TSC22D2: variants seen among roughly 807,000 people sequenced by gnomAD.
TSC22D2 encodes the protein TSC22 domain family protein 2.
TSC22D2 carries 5 observed loss-of-function variants against 50.1 expected under a neutral mutation model. The observed-to-expected ratio is 0.10, with a 90% CI of 0.05 to 0.21. The LOEUF (loss-of-function observed/expected upper bound fraction) is 0.21. Among genes scored for constraint, TSC22D2 ranks in the 10% least tolerant of loss-of-function variants. The pLI, the probability that TSC22D2 is intolerant of heterozygous loss-of-function variation, is 1.00. For synonymous variants in TSC22D2, 501 were observed against 450.1 expected, an observed-to-expected ratio of 1.11 and a Z score of -1.43; for missense variants, 1,003 against 1,015.5, an observed-to-expected ratio of 0.99 and a Z score of 0.17.
At chr3:150,437,080 G>C (rs1463610369) in intron 1 of TSC22D2, among the ~76,000 whole-genome samples, 1 of 152,074 alleles carries the variant, frequency 6.6e-6, no homozygotes, top group Admixed American at 6.6e-5. Context: ...ACAAATCTAT[G>C]GGTTTCCTTT....
At chr3:150,432,810 G>C (rs1264843750) in intron 1 of TSC22D2, among the ~76,000 whole-genome samples, 2 of 152,074 alleles carry the variant, frequency 1.3e-5, no homozygotes, top group East Asian at 3.8e-4. Flanking sequence ...AATATTAATG[G>C]AATTATTTTA....
In TSC22D2 at chr3:150,463,391, C is replaced by G. The variant is rs1721471238; in HGVS notation, c.*4755C>G. 6.6e-6 allele frequency: 1 copy of G among 152,214 alleles called. No homozygotes were observed. The highest frequency in any genetic ancestry group is 1.5e-5 in the Non-Finnish European group (1 of 68,048). The allele number at this position is 152,214 out of a possible 1,614,324, so 9.4% of individuals were successfully genotyped here. On this transcript the variant is annotated 3_prime_UTR_variant, in exon 3 of 3. Transcript: ENST00000688009. Reference sequence around the variant, plus strand: ...CAAAACCAGACCTTTTCTCCCACCTCCTTCTGCTTCAAGCCTCTTAATAAT... The same window carrying G: ...CAAAACCAGACCTTTTCTCCCACCTGCTTCTGCTTCAAGCCTCTTAATAAT...
chr3:150,458,516 A>C lies in TSC22D2; in HGVS notation c.2151A>C (p.Gln717His), dbSNP rs150402478. ...TAAAATCTCTTTCAAGCAATGATCA[A>C]TTATCCCAACTCCCAACCCAACAGG... is the stretch of plus-strand genomic sequence containing the variant. ...ALLKSLSSND[Q>H]LSQLPTQQAN... Residue 717 changes from glutamine (Q) to histidine (H), a missense_variant, in exon 3 of 3, where the codon CAA (glutamine) becomes CAC (histidine). This residue lies in a region of TSC22D2 where 54 missense variants were observed against 51.4 expected (regional missense o/e 1.05). Transcript: ENST00000688009. The C allele has an allele frequency of 1.9e-6, 3 of 1,614,180 alleles. 1 individual carries two copies. Among genetic ancestry groups the C allele is most frequent in the South Asian group, 2.2e-5 (2 of 91,086 alleles).
In TSC22D2 at chr3:150,458,598, A is replaced by G. The variant is rs1389992715; in HGVS notation, c.2233A>G (p.Thr745Ala). The change falls in exon 3 of 3, where the codon ACG (threonine) becomes GCG (alanine). Residue 745 changes from threonine to alanine, a missense_variant. Transcript: ENST00000688009. Reference protein sequence around the residue: ...QAVIAQPPQPTQPPQQPNVSS... With the variant: ...QAVIAQPPQPAQPPQQPNVSS... ...AGTGATAGCACAGCCTCCGCAGCCA[A>G]CGCAACCTCCACAGCAGCCGAATGT... The G allele has an allele frequency of 3.7e-6, 6 of 1,614,018 alleles. No homozygotes were observed. The highest frequency in any genetic ancestry group is 2.2e-5 in the East Asian group (1 of 44,890).
At chr3:150,457,734 C>G (rs979647817) in intron 2 of TSC22D2, among the ~76,000 whole-genome samples, 8 of 152,192 alleles carry the variant, frequency 5.3e-5, no homozygotes, top group Admixed American at 2.6e-4. Flanking sequence ...CTCCCAGGTT[C>G]AAGTGATTCT....
At chr3:150,413,877 A>G (rs1005126563) in intron 1 of TSC22D2, among the ~76,000 whole-genome samples, 1 of 106,912 alleles carries the variant, frequency 9.4e-6, no homozygotes, top group South Asian at 2.8e-4. Context: ...AATAAGATAT[A>G]TGCTTTTTTT....
intron 1 of TSC22D2, 84 bp downstream of exon 1, chr3:150,411,392 C>T: frequency 7.3e-7 from 1 of 1,376,910 alleles, no homozygotes; most frequent in Non-Finnish European, 9.8e-7. Context: ...AGATTGTTGT[C>T]AACGGAGGCC....
At chr3:150,418,390 C>T (rs1289556880) in intron 1 of TSC22D2, among the ~76,000 whole-genome samples, 1 of 151,866 alleles carries the variant, frequency 6.6e-6, no homozygotes, top group African/African-American at 2.4e-5. Flanking sequence ...GGGTAGTAGA[C>T]TGACTTCTAT....
chr3:150,445,075 T>G (rs1004880126), intron 1 of TSC22D2, among the ~76,000 whole-genome samples: 1 of 152,054 alleles, frequency 6.6e-6, no homozygotes, highest in African/African-American at 2.4e-5. Context: ...ATTAGTTATA[T>G]TTCAGTGGGC....
In TSC22D2 at chr3:150,458,404, C is replaced by T; in HGVS notation, c.2039C>T (p.Ala680Val). 6.2e-7 allele frequency: 1 copy of T among 1,613,806 alleles called. No individual in the cohort carries two copies. Among genetic ancestry groups the T allele is most frequent in the South Asian group, 1.1e-5 (1 of 91,056 alleles). The change falls in exon 3 of 3, where the codon GCA becomes GTA. Residue 680 changes from alanine (A) to valine (V), a missense_variant. Physicochemically the swap from Ala to Val is moderately conservative, Grantham distance 64. This residue lies in a region of TSC22D2 where 17 missense variants were observed against 57.7 expected (regional missense o/e 0.29). Coordinates refer to ENST00000688009, the MANE Select transcript of TSC22D2 (RefSeq NM_001303264.2). Reference protein sequence around the residue: ...MDLVKSHLMYAVREEVEVLKE... With the variant: ...MDLVKSHLMYVVREEVEVLKE... ...CTGGTGAAAAGCCATTTGATGTATG[C>T]AGTAAGAGAAGAAGTGGAAGTTTTA... is the stretch of plus-strand genomic sequence containing the variant.
At chr3:150,431,389 A>G (rs1480053283) in intron 1 of TSC22D2, among the ~76,000 whole-genome samples, 3 of 152,108 alleles carry the variant, frequency 2.0e-5, no homozygotes, top group Non-Finnish European at 4.4e-5. Flanking sequence ...AAATATGAAT[A>G]TACAGTGCAT....
intron 1 of TSC22D2, among the ~76,000 whole-genome samples, chr3:150,421,355 C>A (rs534842740): frequency 1.3e-5 from 2 of 151,786 alleles, no homozygotes; most frequent in East Asian, 1.9e-4. Flanking sequence ...AAAAAAAAAA[C>A]CAGATTGAAT....
intron 1 of TSC22D2, among the ~76,000 whole-genome samples, chr3:150,442,259 C>T (rs994509694): frequency 1.6e-4 from 25 of 152,092 alleles, no homozygotes; most frequent in African/African-American, 5.6e-4. Context: ...TGTCTTAGCA[C>T]TTATCACACT....
At chr3:150,425,842 T>C in intron 1 of TSC22D2, among the ~76,000 whole-genome samples, 1 of 152,320 alleles carries the variant, frequency 6.6e-6, no homozygotes, top group African/African-American at 2.4e-5. Context: ...ACCTTTCTCA[T>C]ATTGACTTAA....
chr3:150,427,847 T>G (rs11719977), intron 1 of TSC22D2, among the ~76,000 whole-genome samples: 61,557 of 151,282 alleles, frequency 0.41, 12,564 homozygotes, highest in Middle Eastern at 0.53. Flanking sequence ...TTTTACTTTT[T>G]AATCTGAAAT....
At chr3:150,416,484 A>G (rs188739335) in intron 1 of TSC22D2, among the ~76,000 whole-genome samples, 2 of 152,292 alleles carry the variant, frequency 1.3e-5, no homozygotes, top group Non-Finnish European at 2.9e-5. Context: ...TTTTCTTTAT[A>G]CTAAACCAGT....
intron 1 of TSC22D2, 45 bp from the exon 2 acceptor site, chr3:150,457,031 G>A (rs1559852430): frequency 6.5e-7 from 1 of 1,543,362 alleles, no homozygotes; most frequent in African/African-American, 1.4e-5. Context: ...AGTTGGAAGG[G>A]AGGTTAAATT....
intron 1 of TSC22D2, among the ~76,000 whole-genome samples, chr3:150,412,157 G>C (rs1285751996): frequency 1.3e-5 from 2 of 152,106 alleles, no homozygotes; most frequent in Non-Finnish European, 2.9e-5. Flanking sequence ...CACAACAGCT[G>C]ATGTTTGGTT....
rs960336573 is a variant in TSC22D2 at position 150,409,659 on chromosome 3, C to T, written c.309C>T (p.Asn103=). 3 of 1,603,058 alleles carry T rather than the reference C, an allele frequency of 1.9e-6. No individual in the cohort carries two copies. The highest frequency in any genetic ancestry group is 1.7e-4 in the Middle Eastern group (1 of 5,964). ...CAGCGGCGGCTGCTGCTCCCGCCAA[C>T]GGAGGAGGAGTCGTTTCGGCCCGGA... ...QLAAAAAAPA[N]GGGVVSARSV... Residue 103 remains asparagine, a synonymous_variant, in exon 1 of 3, where the codon AAC becomes AAT. Coordinates refer to ENST00000688009, the MANE Select transcript of TSC22D2 (RefSeq NM_001303264.2). This position sits in a 1 kb window ranked among gnomAD's most constrained non-coding sequence, Gnocchi z 7.4.
Sources: allele counts gnomAD v4.1 joint callset (sites outside exome capture counted in the v4.1 genomes callset), GRCh38; gene constraint gnomAD v4.1.1; regional missense constraint gnomAD v4.1.1; non-coding constraint Gnocchi (gnomAD v3.1); transcripts MANE v1.5; gene names NCBI Gene and HGNC (gene_info 2026-07-23, HGNC 2026-07-21).